ATP8B4: variants seen among roughly 807,000 people sequenced by gnomAD.
The protein encoded by ATP8B4 is ATPase phospholipid transporting 8B4 (putative), also known as probable phospholipid-transporting ATPase IM.
In ATP8B4, 133 loss-of-function variants were observed where a neutral mutation model predicts 145.6. The observed-to-expected ratio is 0.91, with a 90% confidence interval of 0.79 to 1.05. The LOEUF is 1.05. Among genes scored for constraint, ATP8B4 ranks in the 50% least tolerant of loss-of-function variants. ATP8B4 has a pLI of 0.00. For missense variants in ATP8B4, 1,458 were observed against 1,425.2 expected (o/e 1.02, Z -0.37); for synonymous variants, 507 against 492.9 (o/e 1.03, Z -0.38).
At chr15:49,939,772 T>G (rs748693271) in intron 14 of ATP8B4, among the ~76,000 whole-genome samples, 4 of 152,034 alleles carry the variant, frequency 2.6e-5, no homozygotes, top group Non-Finnish European at 5.9e-5. Context: ...CATTCCCTGA[T>G]AGAAAATATG....
chr15:49,931,065 G>A, intron 16 of ATP8B4, 54 bp downstream of exon 16: 4 of 1,504,594 alleles, frequency 2.7e-6, no homozygotes, highest in African/African-American at 1.4e-5. Context: ...TCCTTGAAAA[G>A]CATAACCACA....
rs1180748198 is a variant in ATP8B4, at chr15:49,934,084, G to A, written c.1386C>T (p.Pro462=). The change falls in exon 15 of 28, where the codon CCC becomes CCT. Residue 462 remains proline, a synonymous_variant. Transcript: ENST00000284509. ...GTAACCTAAGGAATTCATGAACTTTGGGATCACCCATTTTAATGGATTCCA... is the reference window on the plus strand; with the variant it reads ...GTAACCTAAGGAATTCATGAACTTTAGGATCACCCATTTTAATGGATTCCA... The part of the protein sequence containing the change: ...HLMESIKMGD[P]KVHEFLRLLA... 1 of 1,612,612 alleles carries A rather than the reference G, an allele frequency of 6.2e-7. No homozygotes were observed. Among genetic ancestry groups the A allele is most frequent in the East Asian group, 2.2e-5 (1 of 44,832 alleles).
chr15:49,988,953 G>T (rs2046846910), intron 9 of ATP8B4, among the ~76,000 whole-genome samples: 1 of 152,152 alleles, frequency 6.6e-6, no homozygotes, highest in Non-Finnish European at 1.5e-5. Flanking sequence ...ATGTCCTCAG[G>T]GCTGCTTTTC....
intron 6 of ATP8B4, among the ~76,000 whole-genome samples, chr15:50,036,133 C>T (rs1433101605): frequency 6.6e-6 from 1 of 152,178 alleles, no homozygotes; most frequent in Admixed American, 6.5e-5. Context: ...TCCCTGGAAG[C>T]AGATCCTGAG....
At chr15:49,949,242 T>C (rs2042850598) in intron 14 of ATP8B4, among the ~76,000 whole-genome samples, 1 of 152,244 alleles carries the variant, frequency 6.6e-6, no homozygotes, top group Admixed American at 6.5e-5. Context: ...GCATTGAATC[T>C]ATAAATTACT....
chr15:50,091,291 C>A (rs2055595396), intron 2 of ATP8B4, among the ~76,000 whole-genome samples: 1 of 152,112 alleles, frequency 6.6e-6, no homozygotes, highest in South Asian at 2.1e-4. Context: ...TAACTGCTTA[C>A]CCCATATGTC....
chr15:49,916,849 A>C, intron 20 of ATP8B4, 85 bp downstream of exon 20: 4 of 1,247,524 alleles, frequency 3.2e-6, no homozygotes, highest in Non-Finnish European at 4.6e-6. Flanking sequence ...ACTATAGCAT[A>C]GCTTTTCACT....
In ATP8B4 at chr15:50,106,836, C is replaced by T. The variant is rs543585950; in HGVS notation, c.28+103G>A. The T allele has an allele frequency of 1.0e-5, 12 of 1,182,852 alleles. No homozygotes were observed. The African/African-American group carries it at 1.3e-4, about 12-fold the overall frequency. 73.3% of individuals were successfully genotyped at this position (1,182,852 alleles called of 1,614,324 possible). On this transcript the variant is annotated intron_variant, in intron 2 of 27. Transcript: ENST00000284509. ...CGTCGAAGTTCACTGAGCTGAACAC[C>T]TAGACCTGTGTGCTTTTTATATATA...
chr15:49,970,470 C>T (rs894851180), intron 13 of ATP8B4, among the ~76,000 whole-genome samples: 2 of 152,146 alleles, frequency 1.3e-5, no homozygotes, highest in Admixed American at 1.3e-4. Flanking sequence ...CATTCCTATA[C>T]ACCAATAATA....
At chr15:50,112,261 C>A (rs990273718) in intron 1 of ATP8B4, among the ~76,000 whole-genome samples, 1 of 152,132 alleles carries the variant, frequency 6.6e-6, no homozygotes, top group Non-Finnish European at 1.5e-5. Flanking sequence ...ACAGGCAGAG[C>A]CTTGGCAGCC....
chr15:49,901,337 A>T, intron 20 of ATP8B4, 98 bp from the exon 21 acceptor site: 2 of 1,278,080 alleles, frequency 1.6e-6, no homozygotes, highest in Non-Finnish European at 2.1e-6. Flanking sequence ...TTATTTCACC[A>T]CTATTCAGAG....
chr15:49,860,516 T>A (rs762665071), intron 27 of ATP8B4, 41 bp from the exon 28 acceptor site: 16 of 1,553,362 alleles, frequency 1.0e-5, no homozygotes, highest in Non-Finnish European at 1.4e-5. Context: ...TGCATCCAAA[T>A]GATAGACTCC....
At chr15:50,001,388 A>T (rs2047882014) in intron 8 of ATP8B4, among the ~76,000 whole-genome samples, 2 of 152,224 alleles carry the variant, frequency 1.3e-5, no homozygotes, top group African/African-American at 4.8e-5. Context: ...TGAATAGCTC[A>T]ATATGACAAT....
chr15:50,141,850 G>A (rs966827859), intron 1 of ATP8B4, among the ~76,000 whole-genome samples: 1 of 152,088 alleles, frequency 6.6e-6, no homozygotes, highest in Non-Finnish European at 1.5e-5. Flanking sequence ...CTGCCATATT[G>A]GACAGCACAC....
intron 12 of ATP8B4, among the ~76,000 whole-genome samples, chr15:49,975,654 T>C (rs890204261): frequency 4.0e-4 from 61 of 152,290 alleles, no homozygotes; most frequent in African/African-American, 1.4e-3. Context: ...GGATAAGTTT[T>C]TAAATTGTTG....
At position 49,978,150 on chromosome 15, in the gene ATP8B4, G is replaced by A. The variant is rs944934984; in HGVS notation, c.1034+1467C>T. ...AATGTATACATAATATACTTCCTTT[G>A]TGAGGACATATGAAACTGCACATGT... On this transcript the variant is annotated intron_variant, in intron 12 of 27. Transcript: ENST00000284509. Among the ~76,000 whole-genome samples, 4 of 152,288 alleles carry A rather than the reference G, an allele frequency of 2.6e-5. No homozygotes were observed. In the South Asian group the frequency reaches 6.2e-4, roughly 24 times the overall value.
At chr15:50,160,846 G>A (rs2044507885) in intron 1 of ATP8B4, among the ~76,000 whole-genome samples, 2 of 151,990 alleles carry the variant, frequency 1.3e-5, no homozygotes, top group Admixed American at 6.6e-5. Context: ...TGTATATTCT[G>A]TAGCCATATG....
chr15:49,990,621 T>C (rs2046975614), intron 9 of ATP8B4, among the ~76,000 whole-genome samples: 1 of 152,126 alleles, frequency 6.6e-6, no homozygotes, highest in Admixed American at 6.6e-5. Context: ...AGCTGGATCG[T>C]TGGTTAATTA....
intron 8 of ATP8B4, among the ~76,000 whole-genome samples, chr15:49,998,512 G>A (rs577737862): frequency 1.4e-4 from 22 of 152,230 alleles, no homozygotes; most frequent in African/African-American, 5.1e-4. Flanking sequence ...ATTTTTTCAC[G>A]TGTTTTTTGG....
Sources: gnomAD v4.1 joint callset for allele counts (sites outside exome capture counted in the v4.1 genomes callset) on GRCh38, gnomAD v4.1.1 for gene constraint, MANE v1.5 for transcripts, NCBI Gene and HGNC (gene_info 2026-07-23, HGNC 2026-07-21) for gene names.